LIMCH1: variants seen among roughly 807,000 people sequenced by gnomAD.
LIMCH1 encodes LIM and calponin homology domains 1, also known as LIM and calponin homology domains-containing protein 1.
In LIMCH1, 113 loss-of-function variants were observed where a neutral mutation model predicts 176.5. That is an observed-to-expected ratio of 0.64 (90% CI 0.55 to 0.75). The LOEUF (loss-of-function observed/expected upper bound fraction) is 0.75, where lower values mean the gene tolerates loss of function less well. Among genes scored for constraint, LIMCH1 ranks in the 30% least tolerant of loss-of-function variants. The pLI, the probability that LIMCH1 is intolerant of heterozygous loss-of-function variation, is 0.00. For missense variants in LIMCH1, 1,674 were observed against 1,814.9 expected, an observed-to-expected ratio of 0.92 and a Z score of 1.41; for synonymous variants, 619 against 645.9, an observed-to-expected ratio of 0.96 and a Z score of 0.63.
chr4:41,470,470 C>T (rs898742733), intron 1 of LIMCH1, among the ~76,000 whole-genome samples: 3 of 152,142 alleles, frequency 2.0e-5, no homozygotes, highest in African/African-American at 7.2e-5. Flanking sequence ...TGGGTCATTC[C>T]TTTAGTATGT....
chr4:41,527,620 T>G (rs1052883600), intron 3 of LIMCH1, among the ~76,000 whole-genome samples: 1 of 151,950 alleles, frequency 6.6e-6, no homozygotes, highest in South Asian at 2.1e-4. Flanking sequence ...CGGATCACGA[T>G]GTCAGGAGAT....
At position 41,633,603 on chromosome 4, in the gene LIMCH1, A is replaced by G. The variant is rs1319731618; in HGVS notation, c.1885A>G (p.Lys629Glu). ...EASGTEEKLE[K>E]MTAPAWSGSG... Reference sequence around the variant, plus strand: ...TTCAGGGACAGAAGAGAAGTTGGAGAAGATGACAGCTCCTGCCTGGAGTGG... The same window carrying G: ...TTCAGGGACAGAAGAGAAGTTGGAGGAGATGACAGCTCCTGCCTGGAGTGG... The change falls in exon 13 of 32, where the codon AAG (lysine) becomes GAG (glutamate). Residue 629 changes from lysine to glutamate, a missense_variant. Physicochemically the swap from Lys to Glu is moderately conservative, Grantham distance 56. Coordinates refer to ENST00000503057, the MANE Select transcript of LIMCH1 (RefSeq NM_001330672.2). The G allele has an allele frequency of 2.6e-6, 4 of 1,536,100 alleles. No individual in the cohort carries two copies. Among genetic ancestry groups the G allele is most frequent in the Non-Finnish European group, 3.5e-6 (4 of 1,146,914 alleles).
At chr4:41,620,237 C>T (rs1191575741) in intron 6 of LIMCH1, 187 bp from the exon 7 acceptor site, 8 of 584,526 alleles carry the variant, frequency 1.4e-5, no homozygotes, top group East Asian at 5.9e-5. Context: ...CTCAATGTTG[C>T]GGGTATGATG....
chr4:41,425,344 TCAGG>T (rs2060978582), intron 1 of LIMCH1, among the ~76,000 whole-genome samples: 1 of 152,148 alleles, frequency 6.6e-6, no homozygotes, highest in South Asian at 2.1e-4. Context: ...TTCAGTATTC[TCAGG>T]CAGTTTTTCT....
intron 1 of LIMCH1, among the ~76,000 whole-genome samples, chr4:41,453,147 C>T (rs2064106735): frequency 6.6e-6 from 1 of 152,206 alleles, no homozygotes; most frequent in Non-Finnish European, 1.5e-5. Context: ...TCACCCCACA[C>T]CTGCCCCAGT....
At chr4:41,442,721 A>G (rs2062832494) in intron 1 of LIMCH1, among the ~76,000 whole-genome samples, 1 of 152,244 alleles carries the variant, frequency 6.6e-6, no homozygotes, top group Non-Finnish European at 1.5e-5. Flanking sequence ...ACTTGTTATA[A>G]TGATGCAGTA....
Position 41,646,275 on chromosome 4 carries a change from A to C in LIMCH1, c.2406A>C (p.Gln802His). The change falls in exon 16 of 32, where the codon CAA becomes CAC. Residue 802 changes from glutamine to histidine, a missense_variant. Coordinates refer to ENST00000503057, the MANE Select transcript of LIMCH1 (RefSeq NM_001330672.2). The part of the protein sequence containing the change: ...KSIKTYREIV[Q>H]EKERRERELH... ...TCAAAACCTACAGAGAAATTGTTCA[A>C]GAAAAGTGAGTTCTTTCTGTTGTCG... 1 of 1,605,698 alleles carries C rather than the reference A, an allele frequency of 6.2e-7. No homozygotes were observed. Among genetic ancestry groups the C allele is most frequent in the Non-Finnish European group, 8.5e-7 (1 of 1,178,040 alleles).
At chr4:41,566,103 G>C (rs745883247) in intron 1 of LIMCH1, among the ~76,000 whole-genome samples, 11 of 152,130 alleles carry the variant, frequency 7.2e-5, no homozygotes, top group Non-Finnish European at 1.5e-4. Flanking sequence ...ACTAAAGTAG[G>C]CATCCCTAGT....
intron 18 of LIMCH1, among the ~76,000 whole-genome samples, chr4:41,655,117 G>T (rs1206206961): frequency 6.6e-6 from 1 of 152,078 alleles, no homozygotes; most frequent in Non-Finnish European, 1.5e-5. Context: ...GTGTTGTCTT[G>T]ATTCACTGTC....
rs560839295 is a variant in LIMCH1, at chr4:41,515,960, A to G, written c.168-8449A>G. On this transcript the variant is annotated intron_variant, in intron 2 of 26. Transcript: ENST00000313860. ...AGCAATAACTGGGTTTTAGCTGCGC[A>G]AAGGAAATACTAATTACAATCATTT... 3.3e-5 allele frequency among the ~76,000 whole-genome samples: 5 copies of G among 152,370 alleles called. No homozygotes were observed. In the South Asian group the frequency reaches 1.0e-3, roughly 32 times the overall value.
At chr4:41,622,728 A>G (rs12641383) in intron 7 of LIMCH1, among the ~76,000 whole-genome samples, 118,078 of 152,162 alleles carry the variant, frequency 0.78, 46,310 homozygotes, top group East Asian at 0.87. Flanking sequence ...AATTCTAATG[A>G]ATATATATTA....
chr4:41,646,932 T>C, intron 17 of LIMCH1, 39 bp downstream of exon 17: 1 of 1,537,162 alleles, frequency 6.5e-7, no homozygotes, highest in African/African-American at 1.4e-5. Flanking sequence ...AAAGCTGAAC[T>C]CCAGGGAGTG....
intron 1 of LIMCH1, among the ~76,000 whole-genome samples, chr4:41,489,713 G>T (rs935737349): frequency 2.0e-5 from 3 of 150,690 alleles, no homozygotes; most frequent in Non-Finnish European, 2.9e-5. Context: ...TTATTTCCAA[G>T]ACTATGAGTT....
chr4:41,471,724 A>G (rs1265891291), intron 1 of LIMCH1, among the ~76,000 whole-genome samples: 1 of 152,182 alleles, frequency 6.6e-6, no homozygotes, highest in East Asian at 1.9e-4. Flanking sequence ...TTCAGTTTCA[A>G]ATTAAAAAGT....
In LIMCH1 at chr4:41,699,441, A is replaced by G. The variant is rs995323163; in HGVS notation, c.*2256A>G. ...TAAATTCTAATTGCCAACTGTTTCT[A>G]TTTATATTTGATTTATATTTCATTT... On this transcript the variant is annotated 3_prime_UTR_variant, in exon 32 of 32. Transcript: ENST00000503057. 2.0e-5 allele frequency: 3 copies of G among 152,224 alleles called. No individual in the cohort carries two copies. Among genetic ancestry groups the G allele is most frequent in the East Asian group, 1.9e-4 (1 of 5,186 alleles). 9.4% of individuals were successfully genotyped at this position (152,224 alleles called of 1,614,324 possible).
At chr4:41,695,909 CAG>C (rs763184369) in intron 31 of LIMCH1, among the ~76,000 whole-genome samples, 3 of 150,760 alleles carry the variant, frequency 2.0e-5, no homozygotes, top group Non-Finnish European at 4.4e-5. Context: ...ATAAAAGAGT[CAG>C]AATGGGAAAA....
rs766342126 is a variant in LIMCH1 at position 41,598,950 on chromosome 4, A to G, written c.-210A>G. 2 of 1,610,628 alleles carry G rather than the reference A, an allele frequency of 1.2e-6. No individual in the cohort carries two copies. Among genetic ancestry groups the G allele is most frequent in the Non-Finnish European group, 1.7e-6 (2 of 1,177,198 alleles). On this transcript the variant is annotated 5_prime_UTR_variant, in exon 2 of 32. An upstream open reading frame in the 5' UTR loses its in-frame stop. Transcript: ENST00000503057. ...TATTATCTTATTCTTGAGAGGTTGT[A>G]AAGAGCTCGGCCTTAAAGAATCTCA...
At chr4:41,670,708 T>G in intron 21 of LIMCH1, 1 of 1,530,232 alleles carries the variant, frequency 6.5e-7, no homozygotes, top group Non-Finnish European at 8.8e-7. Flanking sequence ...TGTTCTGCCA[T>G]CTGATCTAGA....
chr4:41,535,924 C>T (rs1402438490), upstream of LIMCH1, among the ~76,000 whole-genome samples: 3 of 152,082 alleles, frequency 2.0e-5, no homozygotes, highest in Non-Finnish European at 4.4e-5. Flanking sequence ...ACAAAAAATG[C>T]CATTCTTTGA....
Sources: allele counts gnomAD v4.1 joint callset (sites outside exome capture counted in the v4.1 genomes callset), GRCh38; gene constraint gnomAD v4.1.1; transcripts MANE v1.5; gene names NCBI Gene and HGNC (gene_info 2026-07-23, HGNC 2026-07-21).